DDB1: variants seen among roughly 807,000 people sequenced by gnomAD.
DDB1 encodes the protein damage specific DNA binding protein 1.
A neutral mutation model predicts 133.1 loss-of-function variants in DDB1; 18 were observed. The ratio of observed to expected loss-of-function variants is 0.14; its 90% CI spans 0.09 to 0.20. The LOEUF is 0.20. Ranked by LOEUF, DDB1 falls within the 10% of genes least tolerant of loss-of-function variation. DDB1 has a pLI of 1.00. For missense variants in DDB1, 828 were observed against 1,459.2 expected (o/e 0.57, Z 7.05); for synonymous variants, 580 against 550.5 (o/e 1.05, Z -0.75).
At chr11:61,304,075 G>C in intron 21 of DDB1, 40 bp from the exon 22 acceptor site, 1 of 1,609,502 alleles carries the variant, frequency 6.2e-7, no homozygotes, top group Middle Eastern at 1.9e-4. Context: ...AGGGGCCAGA[G>C]CTCTCTCAGA....
chr11:61,301,217 T>C (rs1329247253), intron 25 of DDB1: 1 of 322,330 alleles, frequency 3.1e-6, no homozygotes, highest in South Asian at 3.5e-5. Flanking sequence ...TCTTTAAAAG[T>C]GCTCTAGGCA....
Position 61,300,017 on chromosome 11 carries a change from G to C in DDB1, c.*119C>G. 1 of 927,122 alleles carries C rather than the reference G, an allele frequency of 1.1e-6. No individual in the cohort carries two copies. Among genetic ancestry groups the C allele is most frequent in the Non-Finnish European group, 1.7e-6 (1 of 581,294 alleles). The allele number at this position is 927,122 out of a possible 1,614,324, so 57.4% of individuals were successfully genotyped here. ...TTCCACATAGGGGAACTGTGGCTCTGGGGGCAGCTGGCTTAGGGAAAGGCC... is the reference window on the plus strand; with the variant it reads ...TTCCACATAGGGGAACTGTGGCTCTCGGGGCAGCTGGCTTAGGGAAAGGCC... On this transcript the variant is annotated 3_prime_UTR_variant, in exon 27 of 27. Coordinates refer to ENST00000301764, the MANE Select transcript of DDB1 (RefSeq NM_001923.5).
intron 4 of DDB1, among the ~76,000 whole-genome samples, chr11:61,327,161 G>A (rs1481630525): frequency 6.6e-6 from 1 of 152,172 alleles, no homozygotes; most frequent in Non-Finnish European, 1.5e-5. Flanking sequence ...TTGTCACACT[G>A]CACTAGGTAC....
In DDB1 at chr11:61,313,535, T is replaced by C. The variant is rs1169709292; in HGVS notation, c.2033A>G (p.Tyr678Cys). Residue 678 changes from tyrosine (Y) to cysteine (C), a missense_variant, in exon 16 of 27, where the codon TAC becomes TGC. Around this residue, in one of 7 missense-constraint regions of DDB1, gnomAD observed 396 missense variants for 554.1 expected, o/e 0.71. Coordinates refer to ENST00000301764, the MANE Select transcript of DDB1 (RefSeq NM_001923.5). Reference protein sequence around the residue: ...FSNVNLKEVNYMCPLNSDGYP... With the variant: ...FSNVNLKEVNCMCPLNSDGYP... ...GCCATCTGAATTGAGGGGACACATGTAGTTCACTTCCTTGAGGTTGACATT... is the reference window on the plus strand; with the variant it reads ...GCCATCTGAATTGAGGGGACACATGCAGTTCACTTCCTTGAGGTTGACATT... The C allele has an allele frequency of 6.2e-7, 1 of 1,614,176 alleles. No homozygotes were observed. Among genetic ancestry groups the C allele is most frequent in the Non-Finnish European group, 8.5e-7 (1 of 1,180,026 alleles).
intron 24 of DDB1, 46 bp from the exon 25 acceptor site, chr11:61,302,405 C>G: frequency 6.2e-7 from 1 of 1,600,044 alleles, no homozygotes; most frequent in Non-Finnish European, 8.6e-7. Context: ...CTCAACCCCA[C>G]AGCATGTATC....
rs186098877 is a variant in DDB1 at position 61,312,805 on chromosome 11, G to A, written c.2069+694C>T. ...GTAGAGATGGGGTTTCGCCATGTCG[G>A]CCAGACTGGTCTCGAGCTCCTGACC... On this transcript the variant is annotated intron_variant, in intron 16 of 26. Coordinates refer to ENST00000301764, the MANE Select transcript of DDB1 (RefSeq NM_001923.5). Among the ~76,000 whole-genome samples, 229 of 151,994 alleles carry A rather than the reference G, an allele frequency of 1.5e-3. 3 individuals are homozygous for A. The highest frequency in any genetic ancestry group is 5.3e-3 in the African/African-American group (220 of 41,426).
chr11:61,316,205 T>C (rs1219149758), intron 12 of DDB1, 80 bp downstream of exon 12: 1 of 1,293,278 alleles, frequency 7.7e-7, no homozygotes, highest in Non-Finnish European at 1.1e-6. Context: ...AATTGGTTGT[T>C]TTAAAATCCA....
rs1295251785 is a variant in DDB1 at position 61,321,530 on chromosome 11, C to T, written c.1225+65G>A. ...TCTGGCTCCCACCAAAACGCCTTCA[C>T]AACATGTAACAAGGCCAAAGTCCCT... On this transcript the variant is annotated intron_variant, in intron 10 of 26. Transcript: ENST00000301764. 2.0e-6 allele frequency: 3 copies of T among 1,509,748 alleles called. No homozygotes were observed. In the African/African-American group the frequency reaches 4.1e-5, roughly 21 times the overall value. The allele number at this position is 1,509,748 out of a possible 1,614,324, so 93.5% of individuals were successfully genotyped here. A position where few individuals can be genotyped will look rare whatever the true frequency, so the allele number is the denominator to read the frequency against.
rs373562495 is a variant in DDB1, at chr11:61,300,103, G to T, written c.*33C>A. On this transcript the variant is annotated 3_prime_UTR_variant, in exon 27 of 27. Transcript: ENST00000301764. ...GGAGGGCAGCAGGGCAAAGCCTTTG[G>T]GGAGGGTCAGCAAAGGGGCCCCCTG... 1.1e-5 allele frequency: 17 copies of T among 1,608,612 alleles called. No homozygotes were observed. Among genetic ancestry groups the T allele is most frequent in the Non-Finnish European group, 1.4e-5 (16 of 1,175,620 alleles).
intron 5 of DDB1, chr11:61,326,325 GTT>G (rs564287473): frequency 1.5e-5 from 3 of 206,192 alleles, no homozygotes; most frequent in Non-Finnish European, 2.9e-5. Context: ...TTTTGTTGTT[GTT>G]TTTTTTTTTA....
chr11:61,317,007 C>A (rs1856096854), intron 10 of DDB1, among the ~76,000 whole-genome samples: 4 of 110,004 alleles, frequency 3.6e-5, no homozygotes, highest in Non-Finnish European at 5.7e-5. Flanking sequence ...ATAGACATGG[C>A]AGCCTGACAC....
intron 18 of DDB1, chr11:61,311,413 G>A (rs1164586062): frequency 1.4e-5 from 3 of 212,358 alleles, no homozygotes; most frequent in African/African-American, 2.4e-5. Context: ...CATAAACCCA[G>A]TAGGCACTTT....
intron 22 of DDB1, 140 bp downstream of exon 22, chr11:61,303,722 AAAC>A: frequency 1.4e-5 from 13 of 926,328 alleles, no homozygotes; most frequent in Admixed American, 2.9e-5. Flanking sequence ...AAAAAAAAAA[AAAC>A]TTAATCAATG....
chr11:61,307,979 C>T (rs1162504458), intron 21 of DDB1, among the ~76,000 whole-genome samples: 1 of 152,196 alleles, frequency 6.6e-6, no homozygotes, highest in Admixed American at 6.5e-5. Context: ...CTACAAGAGC[C>T]TCCCCTAACT....
chr11:61,303,724 ACT>A, intron 22 of DDB1, 139 bp downstream of exon 22: 22 of 835,886 alleles, frequency 2.6e-5, no homozygotes, highest in Non-Finnish European at 3.2e-5. Flanking sequence ...AAAAAAAAAA[ACT>A]TAATCAATGT....
intron 25 of DDB1, 122 bp downstream of exon 25, chr11:61,302,134 CA>C: frequency 1.2e-6 from 1 of 828,368 alleles, no homozygotes; most frequent in Non-Finnish European, 1.9e-6. Flanking sequence ...CAAAACAAAA[CA>C]AAAAACCTGT....
At chr11:61,329,308 C>A (rs1856323159) in intron 4 of DDB1, 55 bp downstream of exon 4, 1 of 1,549,214 alleles carries the variant, frequency 6.5e-7, no homozygotes, top group African/African-American at 1.4e-5. Flanking sequence ...TTAGCAAAAA[C>A]AACTCCTATC....
chr11:61,316,960 T>TATATATATATATATATATATATAG (rs1856088687), intron 10 of DDB1, among the ~76,000 whole-genome samples: 1 of 21,082 alleles, frequency 4.7e-5, no homozygotes, highest in Non-Finnish European at 1.3e-4. Flanking sequence ...TATATATATA[T>TATATATATATATATATATATATAG]ATATATATAT....
chr11:61,332,681 T>C, intron 1 of DDB1: 1 of 406,546 alleles, frequency 2.5e-6, no homozygotes, highest in Non-Finnish European at 4.4e-6. Context: ...CCGAATGACC[T>C]CCCCAGGACG....
Sources: gnomAD v4.1 joint callset for allele counts (sites outside exome capture counted in the v4.1 genomes callset) on GRCh38, gnomAD v4.1.1 for gene constraint, gnomAD v4.1.1 regional missense constraint, MANE v1.5 for transcripts, NCBI Gene and HGNC (gene_info 2026-07-23, HGNC 2026-07-21) for gene names.